The following SEPTIN9 variants were observed in gnomAD, a reference collection of about 807,000 sequenced individuals.
SEPTIN9 encodes the protein septin 9.
SEPTIN9 carries 13 observed loss-of-function variants against 56.6 expected under a neutral mutation model. That is an observed-to-expected ratio of 0.23 (90% CI 0.15 to 0.37). The LOEUF is 0.37. Ranked by LOEUF, SEPTIN9 falls within the 10% of genes least tolerant of loss-of-function variation. The probability of loss-of-function intolerance (pLI) is 1.00; values close to 1 mark genes in which losing one functional copy is unlikely to be tolerated. For missense variants in SEPTIN9, 650 were observed against 823.1 expected (o/e 0.79, Z 2.57); for synonymous variants, 332 against 334.1 (o/e 0.99, Z 0.07).
Position 77,475,518 on chromosome 17 carries a change from C to T in SEPTIN9, c.722-6626C>T. On this transcript the variant is annotated intron_variant, in intron 3 of 11. Transcript: ENST00000427177. The surrounding 1 kb of genome is among the most constrained non-coding windows in gnomAD (Gnocchi z 4.6). ...TAGTTTATAGGACCTGAAGTGCCCC[C>T]ATGGGCTCAAGTTTCTGGGAAGGCC... 1.9e-6 allele frequency: 3 copies of T among 1,610,888 alleles called. No homozygotes were observed. The highest frequency in any genetic ancestry group is 2.5e-6 in the Non-Finnish European group (3 of 1,179,212).
chr17:77,458,649 G>A (rs2038324357), intron 3 of SEPTIN9, among the ~76,000 whole-genome samples: 1 of 152,206 alleles, frequency 6.6e-6, no homozygotes, highest in Admixed American at 6.5e-5. Context: ...ACACAGAAGT[G>A]CTAATTGTGT....
At chr17:77,283,521 C>A (rs544610233) in intron 1 of SEPTIN9, among the ~76,000 whole-genome samples, 1 of 152,060 alleles carries the variant, frequency 6.6e-6, no homozygotes, top group East Asian at 1.9e-4. Flanking sequence ...GACCCCCCAA[C>A]AAGCCATCGA....
Position 77,476,887 on chromosome 17 carries a change from C to T in SEPTIN9, c.722-5257C>T, listed in dbSNP as rs2039234267. ...CTCAGCTGTCCTCTGAGCTGTAAAG[C>T]TGGCTCCTGGGCACTTGTGGAAAAC... On this transcript the variant is annotated intron_variant, in intron 3 of 11. Coordinates refer to ENST00000427177, the MANE Select transcript of SEPTIN9 (RefSeq NM_001113491.2). The surrounding 1 kb of genome is among the most constrained non-coding windows in gnomAD (Gnocchi z 6.0). Among the ~76,000 whole-genome samples the T allele has an allele frequency of 6.6e-6, 1 of 152,214 alleles. No homozygotes were observed.
intron 1 of SEPTIN9, among the ~76,000 whole-genome samples, chr17:77,292,740 C>T (rs1426739816): frequency 1.3e-5 from 2 of 152,008 alleles, no homozygotes; most frequent in African/African-American, 4.8e-5. Context: ...GTGATAGGCT[C>T]GCGTCGGCCT....
chr17:77,455,267 T>G (rs1483562445), intron 3 of SEPTIN9, among the ~76,000 whole-genome samples: 5 of 152,228 alleles, frequency 3.3e-5, no homozygotes, highest in African/African-American at 1.2e-4. Context: ...GGGACTGACG[T>G]TGATGGAGTT....
chr17:77,324,670 T>C (rs1262285221), intron 2 of SEPTIN9, among the ~76,000 whole-genome samples: 1 of 152,322 alleles, frequency 6.6e-6, no homozygotes, highest in African/African-American at 2.4e-5. Context: ...CCAAGTCCTT[T>C]ACCTGTGTTT....
intron 3 of SEPTIN9, among the ~76,000 whole-genome samples, chr17:77,424,762 G>A (rs769101371): frequency 9.9e-5 from 15 of 152,194 alleles, no homozygotes; most frequent in Non-Finnish European, 1.8e-4. Flanking sequence ...TGCCTCGGAG[G>A]GTTTTTGGGA....
chr17:77,363,234 G>A (rs1235079895), intron 2 of SEPTIN9, among the ~76,000 whole-genome samples: 1 of 152,178 alleles, frequency 6.6e-6, no homozygotes, highest in Admixed American at 6.5e-5. Flanking sequence ...GCCTGCTAGA[G>A]CCAGGAGCTA....
At chr17:77,460,313 AG>A (rs2038410160) in intron 3 of SEPTIN9, among the ~76,000 whole-genome samples, 1 of 152,088 alleles carries the variant, frequency 6.6e-6, no homozygotes, top group African/African-American at 2.4e-5. Flanking sequence ...GAGTGCGGGA[AG>A]GCCCCTACGT....
At chr17:77,314,879 G>C (rs1567988498) in intron 2 of SEPTIN9, among the ~76,000 whole-genome samples, 1 of 152,226 alleles carries the variant, frequency 6.6e-6, no homozygotes, top group Non-Finnish European at 1.5e-5. Context: ...TGGGTACCAG[G>C]GGATGAAGCT....
chr17:77,442,136 C>T (rs1014596987), intron 3 of SEPTIN9: 1 of 152,166 alleles, frequency 6.6e-6, no homozygotes, highest in Non-Finnish European at 1.5e-5. Flanking sequence ...TGAGTTATCT[C>T]AGTTGATTGT....
chr17:77,284,626 T>TTTTA (rs1244967535), intron 1 of SEPTIN9, among the ~76,000 whole-genome samples: 3 of 152,096 alleles, frequency 2.0e-5, no homozygotes, highest in African/African-American at 4.8e-5. Context: ...TGTTTTTTAA[T>TTTTA]TTTATTTATT....
rs1325961336 is a variant in SEPTIN9, at chr17:77,486,505, TGTGTGTGTGTGTGTGTGCGCGCACGC to T, written c.914-917_914-892del. ...CTGGAGGGGTGTGTGTGTGTGTGTG[TGTGTGTGTGTGTGTGTGCGCGCACGC>T]GCGCGCGTGTTATATGTGATTTGTT... On this transcript the variant is annotated intron_variant, in intron 4 of 11. Coordinates refer to ENST00000427177, the MANE Select transcript of SEPTIN9 (RefSeq NM_001113491.2). Among the ~76,000 whole-genome samples, 3 of 96,716 alleles carry T rather than the reference TGTGTGTGTGTGTGTGTGCGCGCACGC, an allele frequency of 3.1e-5. No individual in the cohort carries two copies. In the East Asian group the frequency reaches 8.8e-4, roughly 28 times the overall value. The allele number at this position is 96,716 out of a possible 152,430, so 63.4% of individuals were successfully genotyped here.
intron 3 of SEPTIN9, among the ~76,000 whole-genome samples, chr17:77,440,647 A>C (rs1291947111): frequency 6.6e-6 from 1 of 152,162 alleles, no homozygotes; most frequent in Non-Finnish European, 1.5e-5. Flanking sequence ...CCACGCTCCC[A>C]CAGAAGCAGG....
intron 2 of SEPTIN9, chr17:77,375,968 G>C (rs1007786201): frequency 1.2e-5 from 4 of 341,742 alleles, no homozygotes; most frequent in Non-Finnish European, 1.7e-5. Context: ...ACGTGGGGAA[G>C]GGATGATTGA....
At chr17:77,488,216 C>A (rs982807246) in intron 5 of SEPTIN9, 24 bp from the exon 6 acceptor site, 1 of 1,611,598 alleles carries the variant, frequency 6.2e-7, no homozygotes, top group Non-Finnish European at 8.5e-7. Context: ...TCCCCTCTGA[C>A]TCTGCGTCCG....
chr17:77,482,721 G>A (rs2039509690), intron 4 of SEPTIN9: 7 of 589,058 alleles, frequency 1.2e-5, no homozygotes, highest in Middle Eastern at 4.4e-4. Flanking sequence ...GCACCCCACC[G>A]CACCCCGGCC....
intron 2 of SEPTIN9, among the ~76,000 whole-genome samples, chr17:77,336,585 T>C (rs1488441877): frequency 6.6e-6 from 1 of 152,208 alleles, no homozygotes; most frequent in Non-Finnish European, 1.5e-5. Context: ...ATACAATAGA[T>C]TTTTGTATGT....
At chr17:77,337,949 C>T (rs2033607149) in intron 2 of SEPTIN9, among the ~76,000 whole-genome samples, 1 of 152,156 alleles carries the variant, frequency 6.6e-6, no homozygotes, top group Non-Finnish European at 1.5e-5. Context: ...GTAATCCTAG[C>T]CCTTTGGGAG....
Sources: gnomAD v4.1 joint callset for allele counts (sites outside exome capture counted in the v4.1 genomes callset) on GRCh38, gnomAD v4.1.1 for gene constraint, Gnocchi (gnomAD v3.1) non-coding constraint, MANE v1.5 for transcripts, NCBI Gene and HGNC (gene_info 2026-07-23, HGNC 2026-07-21) for gene names.